MYH15: variants seen among roughly 807,000 people sequenced by gnomAD.
MYH15 encodes myosin-15.
In MYH15, 227 loss-of-function variants were observed where a neutral mutation model predicts 240.5. The ratio of observed to expected loss-of-function variants is 0.94; its 90% confidence interval spans 0.85 to 1.05. The LOEUF (loss-of-function observed/expected upper bound fraction) is 1.05. Ranked by LOEUF, MYH15 falls within the 50% of genes least tolerant of loss-of-function variation. The probability of loss-of-function intolerance (pLI) is 0.00; values close to 1 mark genes in which losing one functional copy is unlikely to be tolerated. For missense variants in MYH15, 2,217 were observed against 2,247.5 expected, an observed-to-expected ratio of 0.99 and a Z score of 0.27; for synonymous variants, 785 against 796.7, an observed-to-expected ratio of 0.99 and a Z score of 0.25.
Position 108,414,369 on chromosome 3 carries a change from T to C in MYH15, c.4008A>G (p.Arg1336=). The part of the protein sequence containing the change: ...QKAQRDCDLL[R]EQYEEEQEVK... ...CCTCTTGTTCTTCCTCATACTGCTC[T>C]CGTAGAAGGTCACAGTCACGCTGAG... The change falls in exon 30 of 41, where the codon CGA becomes CGG. Residue 1336 remains arginine (R), a synonymous_variant. Transcript: ENST00000693548. 1 of 1,614,170 alleles carries C rather than the reference T, an allele frequency of 6.2e-7. No homozygotes were observed. The highest frequency in any genetic ancestry group is 8.5e-7 in the Non-Finnish European group (1 of 1,180,038).
At chr3:108,476,263 A>G (rs2083219309) in intron 12 of MYH15, 134 bp downstream of exon 12, 1 of 546,212 alleles carries the variant, frequency 1.8e-6, no homozygotes, top group Admixed American at 3.2e-5. Flanking sequence ...AGTCATCCCA[A>G]GAGCTCTTTT....
chr3:108,515,147 T>C (rs2083551233), upstream of MYH15, among the ~76,000 whole-genome samples: 1 of 152,290 alleles, frequency 6.6e-6, no homozygotes, highest in Admixed American at 6.5e-5. Context: ...GCCCAACTTA[T>C]AAACCAGGCT....
the MYH15 span, among the ~76,000 whole-genome samples, chr3:108,537,509 C>T: frequency 0.019 from 2,911 of 152,204 alleles, 105 homozygotes; most frequent in African/African-American, 0.067. Flanking sequence ...AAATATTTTA[C>T]CCATATAAAA....
upstream of MYH15, among the ~76,000 whole-genome samples, chr3:108,512,908 A>G (rs542653625): frequency 6.6e-6 from 1 of 152,300 alleles, no homozygotes; most frequent in South Asian, 2.1e-4. Flanking sequence ...GGAGATAGGT[A>G]ACTGAAGCCA....
chr3:108,416,676 G>A (rs1260893781), intron 29 of MYH15, 136 bp downstream of exon 29: 18 of 732,016 alleles, frequency 2.5e-5, no homozygotes, highest in Non-Finnish European at 3.8e-5. Context: ...TTCCTGGCAT[G>A]GTTTTTCCCC....
chr3:108,500,609 G>C (rs2083429181), intron 3 of MYH15, among the ~76,000 whole-genome samples: 4 of 152,142 alleles, frequency 2.6e-5, no homozygotes. Context: ...CGGGGACTCT[G>C]CCTCAGCAAG....
chr3:108,411,735 T>C (rs977540464), intron 30 of MYH15, among the ~76,000 whole-genome samples: 1 of 152,208 alleles, frequency 6.6e-6, no homozygotes, highest in Non-Finnish European at 1.5e-5. Flanking sequence ...AGATGAAAAG[T>C]ACTGTATGTA....
intron 32 of MYH15, among the ~76,000 whole-genome samples, chr3:108,405,921 G>T (rs2107545160): frequency 6.6e-6 from 1 of 152,242 alleles, no homozygotes. Flanking sequence ...AAACAACAGG[G>T]TAGTGTCCAA....
At chr3:108,550,962 T>C in the MYH15 span, 6 of 361,182 alleles carry the variant, frequency 1.7e-5, no homozygotes, top group East Asian at 2.5e-4. Context: ...AAAGTAAAAC[T>C]TAGAAAATTA....
chr3:108,491,753 AT>A (rs375241872), intron 9 of MYH15, among the ~76,000 whole-genome samples: 4 of 152,192 alleles, frequency 2.6e-5, no homozygotes, highest in African/African-American at 9.7e-5. Flanking sequence ...AACCATCGGA[AT>A]AAAATCTCCA....
chr3:108,440,812 G>A (rs896899505), intron 23 of MYH15, among the ~76,000 whole-genome samples: 7 of 152,048 alleles, frequency 4.6e-5, no homozygotes, highest in South Asian at 2.1e-4. Flanking sequence ...ATTAAATAAG[G>A]TTCCATAAGT....
At chr3:108,539,166 C>G in the MYH15 span, among the ~76,000 whole-genome samples, 1 of 152,080 alleles carries the variant, frequency 6.6e-6, no homozygotes, top group Non-Finnish European at 1.5e-5. Flanking sequence ...ATACAAAAGT[C>G]AACTGTGTTT....
intron 18 of MYH15, 106 bp from the exon 19 acceptor site, chr3:108,456,989 G>C: frequency 1.3e-6 from 1 of 791,672 alleles, no homozygotes; most frequent in South Asian, 1.6e-5. Flanking sequence ...GTCTGAATTG[G>C]ATAGTTTCCA....
chr3:108,496,482 C>G (rs2083391348), intron 6 of MYH15, among the ~76,000 whole-genome samples: 1 of 152,056 alleles, frequency 6.6e-6, no homozygotes, highest in Non-Finnish European at 1.5e-5. Context: ...CCTCAAAGAC[C>G]AATTTTATGG....
At chr3:108,547,168 A>AT in the MYH15 span, among the ~76,000 whole-genome samples, 1 of 151,046 alleles carries the variant, frequency 6.6e-6, no homozygotes, top group Non-Finnish European at 1.5e-5. Context: ...CACCTAACTA[A>AT]TTTTTTTTTA....
intron 18 of MYH15, among the ~76,000 whole-genome samples, 188 bp downstream of exon 18, chr3:108,459,174 T>C (rs576077579): frequency 1.3e-5 from 2 of 152,204 alleles, no homozygotes; most frequent in Non-Finnish European, 2.9e-5. Context: ...GAAACCCTTC[T>C]GTACATCCAT....
intron 36 of MYH15, 134 bp from the exon 37 acceptor site, chr3:108,392,064 A>G: frequency 2.1e-6 from 2 of 974,528 alleles, no homozygotes; most frequent in Non-Finnish European, 1.5e-6. Context: ...TCCCATTATA[A>G]TCTCCCTAAC....
At chr3:108,454,240 C>T in intron 20 of MYH15, 98 bp from the exon 21 acceptor site, 1 of 1,078,182 alleles carries the variant, frequency 9.3e-7, no homozygotes, top group Non-Finnish European at 1.3e-6. Flanking sequence ...CTAGGGATAA[C>T]TGTATCAATT....
chr3:108,389,139 G>GT, intron 37 of MYH15, 65 bp from the exon 38 acceptor site: 2 of 1,410,340 alleles, frequency 1.4e-6, no homozygotes, highest in Non-Finnish European at 2.0e-6. Context: ...TTTGCTGATT[G>GT]GCACAATCAT....
Sources: gnomAD v4.1 joint callset for allele counts (sites outside exome capture counted in the v4.1 genomes callset) on GRCh38, gnomAD v4.1.1 for gene constraint, MANE v1.5 for transcripts, NCBI Gene and HGNC (gene_info 2026-07-23, HGNC 2026-07-21) for gene names.